ADAMTSL1: variants seen among roughly 807,000 people sequenced by gnomAD.
ADAMTSL1 encodes ADAMTS like 1.
ADAMTSL1 carries 126 observed loss-of-function variants against 201.8 expected under a neutral mutation model. That is an observed-to-expected ratio of 0.62 (90% CI 0.54 to 0.72). ADAMTSL1 has a LOEUF of 0.72. ADAMTSL1 is among the 30% of genes least tolerant of loss of function. The probability of loss-of-function intolerance (pLI) is 0.00; values close to 1 mark genes in which losing one functional copy is unlikely to be tolerated. For missense variants in ADAMTSL1, 2,679 were observed against 2,277.8 expected (o/e 1.18, Z -3.59); for synonymous variants, 1,121 against 903.4 (o/e 1.24, Z -4.32).
intron 1 of ADAMTSL1, among the ~76,000 whole-genome samples, chr9:17,914,896 A>C (rs1826033098): frequency 6.6e-6 from 1 of 152,212 alleles, no homozygotes; most frequent in African/African-American, 2.4e-5. Context: ...ACAGAGAGCC[A>C]AACCAACTAA....
intron 17 of ADAMTSL1, 96 bp downstream of exon 17, chr9:18,770,877 A>G: frequency 1.6e-6 from 2 of 1,240,924 alleles, no homozygotes; most frequent in Non-Finnish European, 2.2e-6. Flanking sequence ...AGAACAAAAC[A>G]ATCTTCCTAA....
At chr9:18,377,325 G>A (rs1233395575) in intron 2 of ADAMTSL1, among the ~76,000 whole-genome samples, 1 of 152,140 alleles carries the variant, frequency 6.6e-6, no homozygotes, top group Non-Finnish European at 1.5e-5. Context: ...GGCTATAGTA[G>A]GCACTCAGTG....
intron 22 of ADAMTSL1, among the ~76,000 whole-genome samples, chr9:18,829,340 A>G (rs1051890414): frequency 1.3e-5 from 2 of 152,150 alleles, no homozygotes; most frequent in Non-Finnish European, 2.9e-5. Flanking sequence ...TCACAACTGC[A>G]TCTTTTGCTT....
At chr9:18,292,471 T>C (rs78042333) in intron 2 of ADAMTSL1, among the ~76,000 whole-genome samples, 9,282 of 152,196 alleles carry the variant, frequency 0.061, 955 homozygotes, top group African/African-American at 0.21. Context: ...AAAGTACTGT[T>C]CCTGGGTGTG....
At chr9:18,392,484 G>C (rs578000099) in intron 2 of ADAMTSL1, among the ~76,000 whole-genome samples, 1 of 152,144 alleles carries the variant, frequency 6.6e-6, no homozygotes, top group Admixed American at 6.5e-5. Flanking sequence ...TTGGCCTGGC[G>C]TGCTCTGCAA....
intron 22 of ADAMTSL1, among the ~76,000 whole-genome samples, chr9:18,827,032 C>G (rs1024674024): frequency 1.6e-4 from 25 of 152,024 alleles, no homozygotes; most frequent in Admixed American, 9.2e-4. Context: ...TGCTGGGACA[C>G]CATCCACCAT....
intron 2 of ADAMTSL1, among the ~76,000 whole-genome samples, chr9:18,394,547 T>C (rs1460779812): frequency 6.6e-6 from 1 of 152,234 alleles, no homozygotes; most frequent in Non-Finnish European, 1.5e-5. Context: ...AAGCTTGTTA[T>C]AAATTATTGT....
At chr9:18,497,731 T>C (rs898214058) in intron 1 of ADAMTSL1, among the ~76,000 whole-genome samples, 30 of 152,322 alleles carry the variant, frequency 2.0e-4, no homozygotes, top group African/African-American at 6.7e-4. Context: ...CTAACCTTTG[T>C]TCATATCAGC....
chr9:18,075,962 T>C (rs531672990), intron 1 of ADAMTSL1, among the ~76,000 whole-genome samples: 25 of 152,234 alleles, frequency 1.6e-4, no homozygotes, highest in Non-Finnish European at 1.9e-4. Context: ...TCAACACAAA[T>C]AAACACTCAC....
At chr9:18,113,127 G>A (rs1564007258) in intron 1 of ADAMTSL1, among the ~76,000 whole-genome samples, 2 of 152,168 alleles carry the variant, frequency 1.3e-5, no homozygotes, top group South Asian at 2.1e-4. Flanking sequence ...AGGGAAGTAA[G>A]TCATTTAGAT....
At chr9:18,527,544 A>G (rs11788108) in intron 2 of ADAMTSL1, among the ~76,000 whole-genome samples, 3,038 of 152,206 alleles carry the variant, frequency 0.02, 40 homozygotes, top group Non-Finnish European at 0.031. Context: ...AAGTTGTTTG[A>G]CCCTAGAGAA....
At chr9:18,270,723 C>T (rs1293780659) in intron 2 of ADAMTSL1, among the ~76,000 whole-genome samples, 1 of 152,146 alleles carries the variant, frequency 6.6e-6, no homozygotes, top group African/African-American at 2.4e-5. Flanking sequence ...ATTTCATGTT[C>T]CCCTTCCACA....
intron 23 of ADAMTSL1, among the ~76,000 whole-genome samples, chr9:18,875,586 A>G (rs906453682): frequency 3.3e-5 from 5 of 151,956 alleles, no homozygotes; most frequent in Admixed American, 6.6e-5. Context: ...TTGATGTCCA[A>G]TTTTCTTCCA....
chr9:18,030,859 T>A (rs960521774), intron 1 of ADAMTSL1, among the ~76,000 whole-genome samples: 1 of 152,180 alleles, frequency 6.6e-6, no homozygotes, highest in Non-Finnish European at 1.5e-5. Context: ...TGATCATTTT[T>A]AAAAATTCAT....
At chr9:18,107,538 C>T (rs960809337) in intron 1 of ADAMTSL1, among the ~76,000 whole-genome samples, 13 of 151,860 alleles carry the variant, frequency 8.6e-5, no homozygotes, top group African/African-American at 2.9e-4. Flanking sequence ...TCTAGATGAA[C>T]ATAAAAATAA....
intron 1 of ADAMTSL1, among the ~76,000 whole-genome samples, chr9:18,060,490 C>A (rs964541835): frequency 4.6e-5 from 7 of 152,158 alleles, no homozygotes; most frequent in African/African-American, 1.4e-4. Flanking sequence ...CCAGCTTCAG[C>A]TTCTGACATG....
intron 2 of ADAMTSL1, among the ~76,000 whole-genome samples, chr9:18,518,697 GT>G (rs1200376929): frequency 6.6e-6 from 1 of 151,914 alleles, no homozygotes; most frequent in Non-Finnish European, 1.5e-5. Context: ...TGGTAATATG[GT>G]TTTCTTTTCT....
At chr9:18,542,990 C>A (rs984995598) in intron 3 of ADAMTSL1, among the ~76,000 whole-genome samples, 1 of 152,146 alleles carries the variant, frequency 6.6e-6, no homozygotes, top group African/African-American at 2.4e-5. Flanking sequence ...AATGGCCCTT[C>A]CTTTGGACGA....
chr9:18,848,924 C>T (rs1185434323), intron 23 of ADAMTSL1, among the ~76,000 whole-genome samples: 6 of 152,074 alleles, frequency 3.9e-5, no homozygotes, highest in African/African-American at 1.2e-4. Flanking sequence ...CTCAGATAAA[C>T]GAAGCAAGAA....
Sources: allele counts gnomAD v4.1 joint callset (sites outside exome capture counted in the v4.1 genomes callset), GRCh38; gene constraint gnomAD v4.1.1; transcripts MANE v1.5; gene names NCBI Gene and HGNC (gene_info 2026-07-23, HGNC 2026-07-21).